Variants in IL23R observed in about 807,000 individuals in gnomAD.
IL23R encodes interleukin 23 receptor, also known as interleukin-23 receptor.
In IL23R, 34 loss-of-function variants were observed where a neutral mutation model predicts 56.9. That is an observed-to-expected ratio of 0.60 (90% CI 0.45 to 0.80). The LOEUF is 0.80. Ranked by LOEUF, IL23R falls within the 30% of genes least tolerant of loss-of-function variation. The pLI is 0.00. For missense variants in IL23R, 635 were observed against 730.0 expected, an observed-to-expected ratio of 0.87 and a Z score of 1.50; for synonymous variants, 230 against 249.2, an observed-to-expected ratio of 0.92 and a Z score of 0.73.
chr1:67,180,060 G>A (rs7334720), intron 3 of IL23R, among the ~76,000 whole-genome samples: 1 of 152,080 alleles, frequency 6.6e-6, no homozygotes, highest in African/African-American at 2.4e-5. Flanking sequence ...ATTTGGAAGA[G>A]GTGTGGTGTG....
chr1:67,240,859 A>G (rs1651799396), intron 9 of IL23R, among the ~76,000 whole-genome samples: 1 of 152,364 alleles, frequency 6.6e-6, no homozygotes, highest in South Asian at 2.1e-4. Flanking sequence ...AAAGTGACAC[A>G]TAGAAATTGG....
chr1:67,197,935 T>C (rs1039507501), intron 4 of IL23R, among the ~76,000 whole-genome samples: 2 of 125,868 alleles, frequency 1.6e-5, no homozygotes, highest in Admixed American at 1.7e-4. Flanking sequence ...GACCCTGTCA[T>C]TAAAAAAGAA....
intron 7 of IL23R, among the ~76,000 whole-genome samples, chr1:67,230,955 G>T (rs915594390): frequency 1.3e-5 from 2 of 152,136 alleles, no homozygotes; most frequent in East Asian, 3.8e-4. Flanking sequence ...ATTAAAAGGA[G>T]ATGCGAAAGA....
intron 3 of IL23R, among the ~76,000 whole-genome samples, chr1:67,178,028 G>C (rs143053374): frequency 6.6e-6 from 1 of 151,860 alleles, no homozygotes; most frequent in Non-Finnish European, 1.5e-5. Flanking sequence ...TAGCCTTGTA[G>C]TATAGTTTGA....
At chr1:67,230,986 T>C (rs1323574351) in intron 7 of IL23R, among the ~76,000 whole-genome samples, 1 of 152,180 alleles carries the variant, frequency 6.6e-6, no homozygotes, top group Non-Finnish European at 1.5e-5. Flanking sequence ...AAGGAGGTAT[T>C]TGTGTTTTGA....
At chr1:67,187,855 C>A (rs1647456974) in intron 4 of IL23R, among the ~76,000 whole-genome samples, 2 of 152,016 alleles carry the variant, frequency 1.3e-5, no homozygotes, top group Admixed American at 1.3e-4. Context: ...CACTTGAGGT[C>A]CGGAGTTCAA....
chr1:67,184,284 G>A (rs537745774), intron 4 of IL23R, among the ~76,000 whole-genome samples: 5 of 151,596 alleles, frequency 3.3e-5, no homozygotes, highest in African/African-American at 1.2e-4. Flanking sequence ...GGTGGCTCCC[G>A]CCTGTAATCC....
downstream of IL23R, among the ~76,000 whole-genome samples, chr1:67,260,455 C>T (rs547603883): frequency 3.3e-5 from 5 of 152,122 alleles, no homozygotes; most frequent in Admixed American, 1.3e-4. Context: ...TACCATTGCC[C>T]CATATCCCAT....
chr1:67,159,842 A>C (rs1429269380), intron 1 of IL23R, among the ~76,000 whole-genome samples: 1 of 152,214 alleles, frequency 6.6e-6, no homozygotes, highest in Non-Finnish European at 1.5e-5. Context: ...GGATGAGGCT[A>C]AAGCAGGTAG....
chr1:67,257,752 A>G (rs1570935195), intron 10 of IL23R, among the ~76,000 whole-genome samples: 1 of 152,112 alleles, frequency 6.6e-6, no homozygotes, highest in Non-Finnish European at 1.5e-5. Flanking sequence ...CACCCAGGCT[A>G]GAGTGCAGTG....
chr1:67,217,391 C>T (rs983741103), intron 6 of IL23R, among the ~76,000 whole-genome samples: 2 of 152,128 alleles, frequency 1.3e-5, no homozygotes, highest in African/African-American at 4.8e-5. Context: ...ATGGTTTAAA[C>T]AACTGATAAC....
intron 4 of IL23R, among the ~76,000 whole-genome samples, chr1:67,196,826 G>A (rs560230767): frequency 5.9e-5 from 9 of 152,260 alleles, no homozygotes; most frequent in African/African-American, 1.7e-4. Context: ...TAAAGGTGAC[G>A]AAGAGAAAAT....
chr1:67,144,873 A>T (rs751370151), intron 1 of IL23R, among the ~76,000 whole-genome samples: 1 of 152,146 alleles, frequency 6.6e-6, no homozygotes, highest in Non-Finnish European at 1.5e-5. Flanking sequence ...ACTCTGATCT[A>T]TCTCTGAAAC....
At chr1:67,157,615 G>T (rs11209008) in intron 1 of IL23R, among the ~76,000 whole-genome samples, 1 of 151,870 alleles carries the variant, frequency 6.6e-6, no homozygotes, top group African/African-American at 2.4e-5. Context: ...CTTACTCTTC[G>T]CCATCTCCTG....
At chr1:67,212,902 C>G (rs1449729836) in intron 6 of IL23R, among the ~76,000 whole-genome samples, 1 of 151,344 alleles carries the variant, frequency 6.6e-6, no homozygotes. Flanking sequence ...TAGACAGAGT[C>G]TCACTGTGTT....
Position 67,212,936 on chromosome 1 carries a change from T to C in IL23R, c.798+5881T>C, listed in dbSNP as rs541444772. 3.9e-5 allele frequency among the ~76,000 whole-genome samples: 6 copies of C among 152,118 alleles called. No homozygotes were observed. The East Asian group carries it at 1.2e-3, about 29-fold the overall frequency. On this transcript the variant is annotated intron_variant, in intron 6 of 10. Coordinates refer to ENST00000347310, the MANE Select transcript of IL23R (RefSeq NM_144701.3). Reference sequence around the variant, plus strand: ...TTGCCCAGGCTGGAGTGCAGTGGCGTGATCTTGGCTCACTGCAACCTCTGC... The same window carrying C: ...TTGCCCAGGCTGGAGTGCAGTGGCGCGATCTTGGCTCACTGCAACCTCTGC...
chr1:67,174,178 T>C (rs1210855941), intron 3 of IL23R, among the ~76,000 whole-genome samples: 2 of 152,156 alleles, frequency 1.3e-5, no homozygotes, highest in African/African-American at 2.4e-5. Context: ...CTTAGATGTA[T>C]AATTGCTGAG....
Position 67,258,639 on chromosome 1 carries a change from G to A in IL23R, c.1401G>A (p.Ser467=), listed in dbSNP as rs766128043. ...AGACAAGAGACTACCCGCAAAACTC[G>A]CTATTCGACAATACTACAGTTGTAT... ...PLETRDYPQN[S]LFDNTTVVYI... Residue 467 remains serine, a synonymous_variant, in exon 11 of 11, where the codon TCG becomes TCA. Coordinates refer to ENST00000347310, the MANE Select transcript of IL23R (RefSeq NM_144701.3). 8 of 1,613,710 alleles carry A rather than the reference G, an allele frequency of 5.0e-6. No individual in the cohort carries two copies. The highest frequency in any genetic ancestry group is 4.0e-5 in the African/African-American group (3 of 74,878).
chr1:67,191,643 C>T (rs988615347), intron 4 of IL23R, among the ~76,000 whole-genome samples: 1 of 152,056 alleles, frequency 6.6e-6, no homozygotes. Context: ...TCTGCACTGT[C>T]TGTCTCTATT....
Sources: gnomAD v4.1 joint callset for allele counts (sites outside exome capture counted in the v4.1 genomes callset) on GRCh38, gnomAD v4.1.1 for gene constraint, MANE v1.5 for transcripts, NCBI Gene and HGNC (gene_info 2026-07-23, HGNC 2026-07-21) for gene names.